Variants in METTL9 observed in about 807,000 individuals in gnomAD.
The protein encoded by METTL9 is protein-L-histidine N-pros-methyltransferase.
A neutral mutation model predicts 36.0 loss-of-function variants in METTL9; 10 were observed. The ratio of observed to expected loss-of-function variants is 0.28; its 90% confidence interval spans 0.17 to 0.47. The LOEUF is 0.47. Ranked by LOEUF, METTL9 falls within the 20% of genes least tolerant of loss-of-function variation. The pLI is 0.99. For missense variants in METTL9, 246 were observed against 383.5 expected (o/e 0.64, Z 3.00); for synonymous variants, 175 against 149.7 (o/e 1.17, Z -1.23).
intron 4 of METTL9, chr16:21,640,142 G>A (rs550611921): frequency 5.6e-4 from 85 of 151,926 alleles, no homozygotes; most frequent in African/African-American, 1.8e-3. Context: ...GTTTCATCAT[G>A]TTGTTCAGGC....
chr16:21,641,543 T>C, intron 4 of METTL9: 1 of 1,586,040 alleles, frequency 6.3e-7, no homozygotes, highest in Non-Finnish European at 8.6e-7. Context: ...TCTATGGCCT[T>C]TCATAGTTGG....
At chr16:21,611,262 G>GT (rs962133836) in intron 1 of METTL9, among the ~76,000 whole-genome samples, 2 of 152,164 alleles carry the variant, frequency 1.3e-5, no homozygotes, top group African/African-American at 4.8e-5. Context: ...TAACGTGCCT[G>GT]TTTGTTTGTG....
At chr16:21,649,990 A>G (rs938502255) in intron 4 of METTL9, among the ~76,000 whole-genome samples, 1 of 152,140 alleles carries the variant, frequency 6.6e-6, no homozygotes, top group Non-Finnish European at 1.5e-5. Context: ...TGTTTTTAAA[A>G]GGGAAGCCAA....
intron 4 of METTL9, among the ~76,000 whole-genome samples, chr16:21,630,398 C>T (rs1480054360): frequency 6.6e-6 from 1 of 152,236 alleles, no homozygotes; most frequent in African/African-American, 2.4e-5. Flanking sequence ...GAGGAGGCCC[C>T]TACAGTGCAG....
At chr16:21,600,369 G>T (rs1965087584) in intron 1 of METTL9, among the ~76,000 whole-genome samples, 1 of 152,166 alleles carries the variant, frequency 6.6e-6, no homozygotes, top group South Asian at 2.1e-4. Context: ...ACGTACAAAG[G>T]GTCGTGAAGA....
intron 2 of METTL9, among the ~76,000 whole-genome samples, chr16:21,615,662 C>G (rs1965537651): frequency 6.6e-6 from 1 of 152,158 alleles, no homozygotes. Context: ...GAAGCACGCT[C>G]TGGGAAAATT....
intron 3 of METTL9, among the ~76,000 whole-genome samples, chr16:21,619,587 A>ATT (rs35728063): frequency 0.1 from 13,034 of 124,180 alleles, 834 homozygotes; most frequent in East Asian, 0.22. Flanking sequence ...TGCCCGGCTA[A>ATT]TTTTTTTTTT....
intron 1 of METTL9, chr16:21,612,187 C>T (rs1052027980): frequency 1.3e-5 from 2 of 153,058 alleles, no homozygotes; most frequent in African/African-American, 4.8e-5. Flanking sequence ...TGAGTTAAGG[C>T]ATTGGATTAT....
intron 4 of METTL9, among the ~76,000 whole-genome samples, chr16:21,644,060 A>G (rs1966353437): frequency 6.6e-6 from 1 of 152,142 alleles, no homozygotes; most frequent in African/African-American, 2.4e-5. Flanking sequence ...ACTGGGCTTT[A>G]AAGAGAAAAC....
intron 1 of METTL9, among the ~76,000 whole-genome samples, chr16:21,611,661 G>A (rs978756568): frequency 6.6e-6 from 1 of 152,058 alleles, no homozygotes; most frequent in African/African-American, 2.4e-5. Flanking sequence ...AATCCTCATC[G>A]TACCCTGCCA....
chr16:21,628,780 G>GCCA (rs1414422626), intron 4 of METTL9, among the ~76,000 whole-genome samples: 1 of 152,044 alleles, frequency 6.6e-6, no homozygotes, highest in Admixed American at 6.5e-5. Context: ...ATAGATGTGA[G>GCCA]CCACTGCACC....
At chr16:21,608,429 T>C (rs982726408) in intron 1 of METTL9, among the ~76,000 whole-genome samples, 6 of 152,180 alleles carry the variant, frequency 3.9e-5, no homozygotes, top group African/African-American at 1.2e-4. Context: ...CTGATTTTAT[T>C]TTCACTCTGG....
intron 1 of METTL9, among the ~76,000 whole-genome samples, chr16:21,603,957 C>A (rs1245869777): frequency 6.6e-6 from 1 of 151,990 alleles, no homozygotes; most frequent in Non-Finnish European, 1.5e-5. Flanking sequence ...AATTAAAATC[C>A]TTTTTTTTCC....
chr16:21,648,601 C>T (rs1347015756), intron 4 of METTL9, among the ~76,000 whole-genome samples: 2 of 152,204 alleles, frequency 1.3e-5, no homozygotes, highest in Non-Finnish European at 2.9e-5. Context: ...GATTGAGTCC[C>T]CCACCTTGGC....
chr16:21,650,344 T>C (rs1257451403), intron 4 of METTL9, among the ~76,000 whole-genome samples: 2 of 151,952 alleles, frequency 1.3e-5, no homozygotes, highest in African/African-American at 4.8e-5. Flanking sequence ...CCATCTTTAC[T>C]AAAAATACAA....
intron 4 of METTL9, chr16:21,639,907 T>C (rs1043101351): frequency 3.3e-5 from 5 of 152,020 alleles, no homozygotes; most frequent in Admixed American, 3.3e-4. Flanking sequence ...GCAATACCAG[T>C]TTAAAAGAAA....
Position 21,599,597 on chromosome 16 carries a change from C to T in METTL9, c.-137C>T. 1.5e-6 allele frequency: 2 copies of T among 1,315,944 alleles called. No individual in the cohort carries two copies. The highest frequency in any genetic ancestry group is 2.1e-5 in the South Asian group (1 of 48,260). The allele number at this position is 1,315,944 out of a possible 1,614,324, so 81.5% of individuals were successfully genotyped here. Reference sequence around the variant, plus strand: ...TGCTCCTCCCCACCCCCAGCCTTTGCCCTGAAGGGGGCTGGATGGGCAAGG... The same window carrying T: ...TGCTCCTCCCCACCCCCAGCCTTTGTCCTGAAGGGGGCTGGATGGGCAAGG... On this transcript the variant is annotated 5_prime_UTR_variant, in exon 1 of 5. Transcript: ENST00000358154. This position sits in a 1 kb window ranked among gnomAD's most constrained non-coding sequence, Gnocchi z 4.4.
Position 21,624,913 on chromosome 16 carries a change from T to C in METTL9, c.567-18T>C, listed in dbSNP as rs1965785036. The C allele has an allele frequency of 6.2e-7, 1 of 1,610,608 alleles. No individual in the cohort carries two copies. Among genetic ancestry groups the C allele is most frequent in the Non-Finnish European group, 8.5e-7 (1 of 1,177,280 alleles). On this transcript the variant is annotated intron_variant, in intron 3 of 4. Transcript: ENST00000358154. Reference sequence around the variant, plus strand: ...TAGAGGGACTTTATGTTAATACAGTTATTTCTGATTTTTCTAGAGTCCTTG... The same window carrying C: ...TAGAGGGACTTTATGTTAATACAGTCATTTCTGATTTTTCTAGAGTCCTTG...
intron 1 of METTL9, among the ~76,000 whole-genome samples, chr16:21,602,878 C>G (rs1434162444): frequency 6.6e-6 from 1 of 152,042 alleles, no homozygotes; most frequent in Non-Finnish European, 1.5e-5. Flanking sequence ...AGGCTGGTCT[C>G]AAACTCCTGA....
Sources: gnomAD v4.1 joint callset for allele counts (sites outside exome capture counted in the v4.1 genomes callset) on GRCh38, gnomAD v4.1.1 for gene constraint, Gnocchi (gnomAD v3.1) non-coding constraint, MANE v1.5 for transcripts, NCBI Gene and HGNC (gene_info 2026-07-23, HGNC 2026-07-21) for gene names.